Variants in NFAT5 observed in about 807,000 individuals in gnomAD.
The protein encoded by NFAT5 is nuclear factor of activated T-cells 5.
In NFAT5, 31 loss-of-function variants were observed where a neutral mutation model predicts 166.5. That is an observed-to-expected ratio of 0.19 (90% confidence interval 0.14 to 0.25). The LOEUF is 0.25. NFAT5 is among the 10% of genes least tolerant of loss of function. The pLI, the probability that NFAT5 is intolerant of heterozygous loss-of-function variation, is 1.00. For missense variants in NFAT5, 1,449 were observed against 1,821.8 expected (o/e 0.80, Z 3.72); for synonymous variants, 612 against 639.7 (o/e 0.96, Z 0.65).
chr16:69,570,185 T>C (rs2016347496), intron 2 of NFAT5, among the ~76,000 whole-genome samples: 1 of 152,198 alleles, frequency 6.6e-6, no homozygotes, highest in African/African-American at 2.4e-5. Flanking sequence ...GTTAAGGGGA[T>C]TCTCATTTAA....
At chr16:69,600,580 T>C (rs2033072843) in intron 2 of NFAT5, among the ~76,000 whole-genome samples, 1 of 152,088 alleles carries the variant, frequency 6.6e-6, no homozygotes, top group South Asian at 2.1e-4. Flanking sequence ...TTGCTTCTTT[T>C]CTTGAGCCCA....
chr16:69,597,107 G>A (rs939898409), intron 2 of NFAT5, among the ~76,000 whole-genome samples: 1 of 152,148 alleles, frequency 6.6e-6, no homozygotes, highest in African/African-American at 2.4e-5. Context: ...AGAATACCAT[G>A]TTAGAAGTTT....
At chr16:69,659,130 T>TTA (rs1555529257) in intron 6 of NFAT5, among the ~76,000 whole-genome samples, 19 of 135,354 alleles carry the variant, frequency 1.4e-4, no homozygotes, top group African/African-American at 2.4e-4. Context: ...ATTTTTTTAT[T>TTA]TTTTTTTTTT....
rs180872359 is a variant in NFAT5 at position 69,576,368 on chromosome 16, A to G, written c.127+7820A>G. ...CCCTAATAAGATTACACCATTGTTC[A>G]GATGGTATAAAAAGAATAGTTTGTG... On this transcript the variant is annotated intron_variant, in intron 2 of 14. Coordinates refer to ENST00000349945, the MANE Select transcript of NFAT5 (RefSeq NM_138713.4). Among the ~76,000 whole-genome samples the G allele has an allele frequency of 6.0e-3, 907 of 152,124 alleles. 16 individuals are homozygous for G. Among genetic ancestry groups the G allele is most frequent in the African/African-American group, 0.021 (858 of 41,494 alleles).
intron 2 of NFAT5, among the ~76,000 whole-genome samples, chr16:69,600,858 T>G (rs1281067602): frequency 6.6e-6 from 1 of 151,108 alleles, no homozygotes; most frequent in African/African-American, 2.4e-5. Flanking sequence ...CTATCAAAAC[T>G]TAGAAGCTGT....
At chr16:69,584,317 TCTCTTTTTTTTTTTTTTGACAGAGTGTTA>T (rs2031894605) in intron 2 of NFAT5, among the ~76,000 whole-genome samples, 1 of 147,500 alleles carries the variant, frequency 6.8e-6, no homozygotes, top group South Asian at 2.2e-4. Flanking sequence ...TTGTTCTGTG[TCTCTTTTTTTTTTTTTTGACAGAGTGTTA>T]CTCTGTCATC....
intron 9 of NFAT5, among the ~76,000 whole-genome samples, chr16:69,672,211 G>A (rs556658269): frequency 6.0e-4 from 91 of 152,304 alleles, no homozygotes; most frequent in African/African-American, 2.2e-3. Context: ...TACATGTTGT[G>A]GAAAAGAGAT....
Position 69,566,359 on chromosome 16 carries a change from T to TC in NFAT5, c.61dup (p.Leu21ProfsTer17), listed in dbSNP as rs756633905. 2.0e-6 allele frequency: 3 copies of TC among 1,513,164 alleles called. No individual in the cohort carries two copies. Among genetic ancestry groups the TC allele is most frequent in the Non-Finnish European group, 2.7e-6 (3 of 1,113,452 alleles). The allele number at this position is 1,513,164 out of a possible 1,614,324, so 93.7% of individuals were successfully genotyped here. ...GGACCTAGACCTGGAATCGCCCAAG[T>TC]CCCTCTACTCGCGAGGTGAGTCAGG... On this transcript the variant is annotated frameshift_variant, in exon 1 of 15. Coordinates refer to ENST00000349945, the MANE Select transcript of NFAT5 (RefSeq NM_138713.4). LOFTEE classifies it high-confidence loss of function. This position sits in a 1 kb window ranked among gnomAD's most constrained non-coding sequence, Gnocchi z 5.7.
chr16:69,643,828 T>C (rs1395772807), intron 3 of NFAT5, among the ~76,000 whole-genome samples: 3 of 152,172 alleles, frequency 2.0e-5, no homozygotes, highest in South Asian at 2.1e-4. Context: ...GAGAAAGATA[T>C]TGTCAGTGCT....
At chr16:69,571,611 A>T (rs1056349892) in intron 2 of NFAT5, among the ~76,000 whole-genome samples, 2 of 152,124 alleles carry the variant, frequency 1.3e-5, no homozygotes, top group African/African-American at 4.8e-5. Flanking sequence ...AATAGTATTT[A>T]AAAACTTGGC....
rs2037663135 is a variant in NFAT5, at chr16:69,693,925, C to T, written c.4100C>T (p.Thr1367Ile). The change falls in exon 13 of 15, where the codon ACC (threonine) becomes ATC (isoleucine). Residue 1367 changes from threonine (T) to isoleucine (I), a missense_variant. By Grantham distance (89) the Thr-to-Ile change is moderately conservative. Around this residue, in one of 7 missense-constraint regions of NFAT5, gnomAD observed 891 missense variants for 993.0 expected, o/e 0.90. Transcript: ENST00000349945. The stretch of plus-strand genomic sequence containing the variant: ...CCTACCCAGTCGGAATCATCACAGA[C>T]CCCCTTGTTCCATAGCTCTCCTCAG... ...PGPTQSESSQTPLFHSSPQIQ... is the reference protein window; with the variant it reads ...PGPTQSESSQIPLFHSSPQIQ... 1 of 1,614,106 alleles carries T rather than the reference C, an allele frequency of 6.2e-7. No homozygotes were observed. Among genetic ancestry groups the T allele is most frequent in the South Asian group, 1.1e-5 (1 of 91,088 alleles).
chr16:69,669,347 C>G (rs1480242830), intron 7 of NFAT5, among the ~76,000 whole-genome samples: 1 of 152,050 alleles, frequency 6.6e-6, no homozygotes. Context: ...AGGTTCGAGA[C>G]CAGCCTGACC....
chr16:69,617,853 C>T (rs1382742566), intron 2 of NFAT5, among the ~76,000 whole-genome samples: 2 of 151,892 alleles, frequency 1.3e-5, no homozygotes, highest in South Asian at 4.2e-4. Context: ...ATATGTTATA[C>T]TATATTAAAT....
At chr16:69,682,838 G>C (rs1264924022) in intron 10 of NFAT5, among the ~76,000 whole-genome samples, 1 of 152,028 alleles carries the variant, frequency 6.6e-6, no homozygotes, top group Non-Finnish European at 1.5e-5. Flanking sequence ...TCATTCTCAG[G>C]AGATGTGTAC....
intron 2 of NFAT5, among the ~76,000 whole-genome samples, chr16:69,571,129 T>TA (rs56221116): frequency 0.06 from 1,887 of 31,332 alleles, 390 homozygotes; most frequent in Non-Finnish European, 0.09. Context: ...CCATCTCTAC[T>TA]AAAAAAAAAA....
At position 69,701,738 on chromosome 16, in the gene NFAT5, T is replaced by C. The variant is rs1179594713; in HGVS notation, c.*5387T>C. The stretch of plus-strand genomic sequence containing the variant: ...AGTGTTGAAAGCATTTTCTCTGATG[T>C]TAATTAGATGGAAATAAATCACTAA... On this transcript the variant is annotated 3_prime_UTR_variant, in exon 15 of 15. Coordinates refer to ENST00000349945, the MANE Select transcript of NFAT5 (RefSeq NM_138713.4). 1 of 152,226 alleles carries C rather than the reference T, an allele frequency of 6.6e-6. No individual in the cohort carries two copies. Among genetic ancestry groups the C allele is most frequent in the Non-Finnish European group, 1.5e-5 (1 of 68,046 alleles). 9.4% of individuals were successfully genotyped at this position (152,226 alleles called of 1,614,324 possible).
rs530862491 is a variant in NFAT5, at chr16:69,614,596, A to G, written c.128-11807A>G. Among the ~76,000 whole-genome samples the G allele has an allele frequency of 5.9e-5, 9 of 152,334 alleles. No individual in the cohort carries two copies. In the South Asian group the frequency reaches 1.5e-3, roughly 25 times the overall value. On this transcript the variant is annotated intron_variant, in intron 2 of 14. Coordinates refer to ENST00000349945, the MANE Select transcript of NFAT5 (RefSeq NM_138713.4). ...AATCATTTGAGAATAAGTTGCTGACATGTTTCCTCATTGCCTCCCAATACT... is the reference window on the plus strand; with the variant it reads ...AATCATTTGAGAATAAGTTGCTGACGTGTTTCCTCATTGCCTCCCAATACT...
chr16:69,578,766 G>T (rs573789317), intron 2 of NFAT5, among the ~76,000 whole-genome samples: 4 of 151,812 alleles, frequency 2.6e-5, no homozygotes, highest in South Asian at 4.2e-4. Context: ...ATGGTAAAAT[G>T]GAATGAATAA....
chr16:69,593,555 T>C (rs1205859725), intron 2 of NFAT5, among the ~76,000 whole-genome samples: 1 of 151,750 alleles, frequency 6.6e-6, no homozygotes, highest in Non-Finnish European at 1.5e-5. Flanking sequence ...GCTCAAGTGA[T>C]CCTCCTGCCT....
Sources: allele counts gnomAD v4.1 joint callset (sites outside exome capture counted in the v4.1 genomes callset), GRCh38; gene constraint gnomAD v4.1.1; regional missense constraint gnomAD v4.1.1; non-coding constraint Gnocchi (gnomAD v3.1); transcripts MANE v1.5; gene names NCBI Gene and HGNC (gene_info 2026-07-23, HGNC 2026-07-21).